Variants in IRAK3 observed in about 807,000 individuals in gnomAD.
The protein encoded by IRAK3 is interleukin-1 receptor-associated kinase 3.
Under a neutral mutation model 56.6 loss-of-function variants are expected in IRAK3, and 57 were observed. That is an observed-to-expected ratio of 1.01 (90% CI 0.81 to 1.26). The LOEUF (loss-of-function observed/expected upper bound fraction) is 1.26. Among genes scored for constraint, IRAK3 ranks in the 50% most tolerant of loss-of-function variants. IRAK3 has a pLI of 0.00. For synonymous variants in IRAK3, 258 were observed against 255.7 expected, an observed-to-expected ratio of 1.01 and a Z score of -0.09; for missense variants, 703 against 719.0, an observed-to-expected ratio of 0.98 and a Z score of 0.25.
intron 8 of IRAK3, 122 bp downstream of exon 8, chr12:66,228,492 C>T: frequency 1.3e-6 from 1 of 772,634 alleles, no homozygotes. Flanking sequence ...GTTAAGAATT[C>T]TCATCTAGGT....
chr12:66,242,922 C>T (rs564632207), intron 8 of IRAK3, among the ~76,000 whole-genome samples: 6 of 152,110 alleles, frequency 3.9e-5, no homozygotes, highest in South Asian at 4.1e-4. Context: ...AAAAATTAGC[C>T]GAGTGTAGTG....
intron 8 of IRAK3, chr12:66,234,604 CT>C: frequency 1.2e-6 from 2 of 1,611,692 alleles, no homozygotes. Flanking sequence ...GGTTCTGTCT[CT>C]TTTTCTGTCC....
intron 8 of IRAK3, among the ~76,000 whole-genome samples, chr12:66,241,945 G>A (rs190090818): frequency 1.3e-5 from 2 of 152,226 alleles, no homozygotes; most frequent in Non-Finnish European, 2.9e-5. Flanking sequence ...TGTTATTACT[G>A]TTGCTCTTTT....
At position 66,250,840 on chromosome 12, in the gene IRAK3, C is replaced by T. The variant is rs551574291; in HGVS notation, c.*2669C>T. 22 of 152,310 alleles carry T rather than the reference C, an allele frequency of 1.4e-4. No homozygotes were observed. Among genetic ancestry groups the T allele is most frequent in the African/African-American group, 5.1e-4 (21 of 41,568 alleles). The allele number at this position is 152,310 out of a possible 1,614,324, so 9.4% of individuals were successfully genotyped here. On this transcript the variant is annotated 3_prime_UTR_variant, in exon 12 of 12. Transcript: ENST00000261233. ...AAAAACGCAGATTGCTGGGTCCACC[C>T]AGCTTCTGATGCAATAGGTCTGGGG...
At chr12:66,238,847 C>T (rs993657925) in intron 8 of IRAK3, among the ~76,000 whole-genome samples, 2 of 152,236 alleles carry the variant, frequency 1.3e-5, no homozygotes, top group East Asian at 1.9e-4. Context: ...AAAAACAAAA[C>T]CTGCTTCCAG....
chr12:66,213,633 A>G (rs2052635275), intron 5 of IRAK3, among the ~76,000 whole-genome samples: 1 of 152,192 alleles, frequency 6.6e-6, no homozygotes, highest in African/African-American at 2.4e-5. Context: ...TGATATGTCA[A>G]CTTAAGATCA....
In IRAK3 at chr12:66,248,306, A is replaced by T. The variant is rs2053058670; in HGVS notation, c.*135A>T. ...GTGAGTTTGGGTGATGCAGATAAACAATCTGGATAATTCCATTTCTTTTTT... is the reference window on the plus strand; with the variant it reads ...GTGAGTTTGGGTGATGCAGATAAACTATCTGGATAATTCCATTTCTTTTTT... On this transcript the variant is annotated 3_prime_UTR_variant, in exon 12 of 12. Transcript: ENST00000261233. 1.5e-6 allele frequency: 1 copy of T among 660,882 alleles called. No homozygotes were observed. Among genetic ancestry groups the T allele is most frequent in the Admixed American group, 2.5e-5 (1 of 40,506 alleles). The allele number at this position is 660,882 out of a possible 1,614,324, so 40.9% of individuals were successfully genotyped here. A position where few individuals can be genotyped will look rare whatever the true frequency, so the allele number is the denominator to read the frequency against.
At position 66,245,245 on chromosome 12, in the gene IRAK3, A is replaced by G. The variant is rs1555205452; in HGVS notation, c.1297A>G (p.Arg433Gly). 1.9e-6 allele frequency: 3 copies of G among 1,614,214 alleles called. No individual in the cohort carries two copies. Among genetic ancestry groups the G allele is most frequent in the South Asian group, 2.2e-5 (2 of 91,086 alleles). The change falls in exon 11 of 12, where the codon AGA (arginine) becomes GGA (glycine). Residue 433 changes from arginine (R) to glycine (G), a missense_variant. Transcript: ENST00000261233. The stretch of plus-strand genomic sequence containing the variant: ...GTGTGCTGCAACGCGGGCAAAGTTA[A>G]GACCATCAATGGATGAAGTGAGTAT... ...GRCAATRAKLRPSMDEVLNTL... is the reference protein window; with the variant it reads ...GRCAATRAKLGPSMDEVLNTL...
In IRAK3 at chr12:66,217,226, T is replaced by C; in HGVS notation, c.644T>C (p.Val215Ala). Residue 215 changes from valine (V) to alanine (A), a missense_variant, in exon 6 of 12, where the codon GTT becomes GCT. Coordinates refer to ENST00000261233, the MANE Select transcript of IRAK3 (RefSeq NM_007199.3). ...AAGAGGTTTTTATCTGAGCTTGAAG[T>C]TTTACTACTGTGAGTATGTTTTCTC... ...HWKRFLSELE[V>A]LLLFHHPNIL... 1.2e-6 allele frequency: 2 copies of C among 1,607,904 alleles called. No homozygotes were observed. Among genetic ancestry groups the C allele is most frequent in the African/African-American group, 2.7e-5 (2 of 74,898 alleles).
intron 7 of IRAK3, 22 bp from the exon 8 acceptor site, chr12:66,228,230 C>G (rs1225845340): frequency 2.6e-6 from 4 of 1,561,430 alleles, no homozygotes; most frequent in Admixed American, 3.3e-5. Flanking sequence ...TGCAACCAAA[C>G]CAATTGCTGT....
chr12:66,193,522 C>T (rs892138871), intron 1 of IRAK3, among the ~76,000 whole-genome samples: 1 of 152,142 alleles, frequency 6.6e-6, no homozygotes, highest in African/African-American at 2.4e-5. Flanking sequence ...TGCTTTTACC[C>T]GATGTCCTTT....
At chr12:66,213,024 T>C (rs137987100) in intron 5 of IRAK3, among the ~76,000 whole-genome samples, 2 of 151,772 alleles carry the variant, frequency 1.3e-5, no homozygotes, top group Non-Finnish European at 2.9e-5. Context: ...GTTCAGCACA[T>C]GTATCCAGAG....
chr12:66,227,521 G>A lies in IRAK3; in HGVS notation c.768+684G>A, dbSNP rs141902741. 3.8e-3 allele frequency among the ~76,000 whole-genome samples: 571 copies of A among 152,226 alleles called. 5 individuals are homozygous for A. The highest frequency in any genetic ancestry group is 0.013 in the African/African-American group (537 of 41,506). ...TTGAACCTTGGAGACGGAGGTTGCA[G>A]TGAGCCGAGATTGCACCATTGCACT... On this transcript the variant is annotated intron_variant, in intron 7 of 11. Coordinates refer to ENST00000261233, the MANE Select transcript of IRAK3 (RefSeq NM_007199.3).
chr12:66,201,065 C>T (rs1004357698), intron 1 of IRAK3, among the ~76,000 whole-genome samples: 1 of 152,214 alleles, frequency 6.6e-6, no homozygotes, highest in African/African-American at 2.4e-5. Flanking sequence ...GATCCTCCCG[C>T]CTTGGCCTCT....
At chr12:66,218,161 A>G (rs971770798) in intron 6 of IRAK3, among the ~76,000 whole-genome samples, 1 of 152,190 alleles carries the variant, frequency 6.6e-6, no homozygotes, top group Admixed American at 6.5e-5. Context: ...AGTTCCTTGT[A>G]TATATTTCCA....
At chr12:66,200,326 G>T (rs1387128308) in intron 1 of IRAK3, among the ~76,000 whole-genome samples, 3 of 152,182 alleles carry the variant, frequency 2.0e-5, no homozygotes, top group African/African-American at 7.2e-5. Flanking sequence ...TGAGAGTCCA[G>T]CAAACTCTCT....
At chr12:66,214,025 T>C (rs1304088432) in intron 5 of IRAK3, among the ~76,000 whole-genome samples, 3 of 152,150 alleles carry the variant, frequency 2.0e-5, no homozygotes, top group Non-Finnish European at 4.4e-5. Context: ...AAAACGTAGG[T>C]CTTCCTCATG....
At chr12:66,202,438 G>T (rs894908422) in intron 1 of IRAK3, among the ~76,000 whole-genome samples, 1 of 152,062 alleles carries the variant, frequency 6.6e-6, no homozygotes, top group Non-Finnish European at 1.5e-5. Flanking sequence ...TGTAGAGCCA[G>T]AAAATAAGGA....
chr12:66,230,158 G>A (rs900614802), intron 8 of IRAK3, among the ~76,000 whole-genome samples: 2 of 152,196 alleles, frequency 1.3e-5, no homozygotes, highest in Non-Finnish European at 2.9e-5. Flanking sequence ...AACTGGGCAA[G>A]GTGATTTGGA....
Sources: allele counts gnomAD v4.1 joint callset (sites outside exome capture counted in the v4.1 genomes callset), GRCh38; gene constraint gnomAD v4.1.1; transcripts MANE v1.5; gene names NCBI Gene and HGNC (gene_info 2026-07-23, HGNC 2026-07-21).